BLK: variants seen among roughly 807,000 people sequenced by gnomAD.
BLK encodes the protein BLK proto-oncogene, Src family tyrosine kinase.
In BLK, 64 loss-of-function variants were observed where a neutral mutation model predicts 61.8. That is an observed-to-expected ratio of 1.03 (90% CI 0.85 to 1.27). The LOEUF (loss-of-function observed/expected upper bound fraction) is 1.27. BLK is among the 50% of genes most tolerant of loss of function. The probability of loss-of-function intolerance (pLI) is 0.00; values close to 1 mark genes in which losing one functional copy is unlikely to be tolerated. For missense variants in BLK, 853 were observed against 660.5 expected (o/e 1.29, Z -3.19); for synonymous variants, 351 against 272.0 (o/e 1.29, Z -2.86).
chr8:11,546,337 A>G (rs1800640298), intron 3 of BLK, among the ~76,000 whole-genome samples: 1 of 152,206 alleles, frequency 6.6e-6, no homozygotes, highest in African/African-American at 2.4e-5. Context: ...GAAAGACTTT[A>G]CAAACTGTAA....
intron 1 of BLK, among the ~76,000 whole-genome samples, chr8:11,533,761 G>A (rs1444058645): frequency 1.3e-5 from 2 of 152,176 alleles, no homozygotes; most frequent in Non-Finnish European, 2.9e-5. Flanking sequence ...GTACCACAGA[G>A]GTGTGAGTTA....
At chr8:11,519,378 C>T (rs1026263577) in intron 1 of BLK, among the ~76,000 whole-genome samples, 1 of 152,158 alleles carries the variant, frequency 6.6e-6, no homozygotes, top group African/African-American at 2.4e-5. Flanking sequence ...AGCAATTTTT[C>T]TTCTGAGAGC....
intron 10 of BLK, chr8:11,560,094 C>G: frequency 3.9e-6 from 1 of 256,094 alleles, no homozygotes; most frequent in South Asian, 4.3e-5. Flanking sequence ...GTATTGATTG[C>G]ATGGTGTAGC....
intron 3 of BLK, among the ~76,000 whole-genome samples, chr8:11,547,319 A>T (rs1430419909): frequency 6.6e-6 from 1 of 152,232 alleles, no homozygotes; most frequent in Non-Finnish European, 1.5e-5. Context: ...TCAGTGACAG[A>T]GCGGAGCCAC....
chr8:11,560,578 G>C (rs1801463256), intron 10 of BLK: 2 of 313,306 alleles, frequency 6.4e-6, no homozygotes, highest in Non-Finnish European at 1.3e-5. Context: ...TAAAGCCTTA[G>C]TTTCCTCAGC....
intron 12 of BLK, 88 bp downstream of exon 12, chr8:11,563,198 C>A: frequency 6.3e-7 from 1 of 1,583,604 alleles, no homozygotes; most frequent in South Asian, 1.1e-5. Context: ...CTGTGGCTGC[C>A]CTGTTCTTTT....
chr8:11,510,139 T>C (rs1296577661), intron 1 of BLK, among the ~76,000 whole-genome samples: 7 of 152,242 alleles, frequency 4.6e-5, no homozygotes, highest in African/African-American at 1.7e-4. Flanking sequence ...AATTACATCG[T>C]GGAGCTGGAG....
At chr8:11,507,958 G>A (rs1798844399) in intron 1 of BLK, among the ~76,000 whole-genome samples, 1 of 152,184 alleles carries the variant, frequency 6.6e-6, no homozygotes. Context: ...GCCTTCCAGT[G>A]CACCCTTTGG....
At chr8:11,543,759 C>T (rs574312715) in intron 2 of BLK, among the ~76,000 whole-genome samples, 1 of 152,256 alleles carries the variant, frequency 6.6e-6, no homozygotes, top group South Asian at 2.1e-4. Flanking sequence ...CAGGAGGGTG[C>T]CTGTCCTCAC....
At chr8:11,538,854 C>A (rs1005614604) in intron 1 of BLK, among the ~76,000 whole-genome samples, 2 of 152,134 alleles carry the variant, frequency 1.3e-5, no homozygotes, top group Non-Finnish European at 2.9e-5. Flanking sequence ...TGGCTCCAGG[C>A]CTTATGCTCC....
intron 1 of BLK, among the ~76,000 whole-genome samples, chr8:11,522,386 A>G (rs1799489200): frequency 6.6e-6 from 1 of 152,224 alleles, no homozygotes; most frequent in African/African-American, 2.4e-5. Flanking sequence ...TATGGGGAAA[A>G]TGAAAACTCT....
chr8:11,500,041 C>A (rs1395184265), intron 1 of BLK, among the ~76,000 whole-genome samples: 1 of 152,168 alleles, frequency 6.6e-6, no homozygotes, highest in Non-Finnish European at 1.5e-5. Context: ...TGAGGGTGCT[C>A]ACTAAGGATT....
At chr8:11,518,812 A>G (rs895763513) in intron 1 of BLK, among the ~76,000 whole-genome samples, 7 of 152,158 alleles carry the variant, frequency 4.6e-5, no homozygotes, top group Admixed American at 3.3e-4. Context: ...CTCCAAGTGC[A>G]GGGAGCCTCT....
chr8:11,513,464 C>G (rs904639172), intron 1 of BLK, among the ~76,000 whole-genome samples: 2 of 152,180 alleles, frequency 1.3e-5, no homozygotes, highest in Non-Finnish European at 2.9e-5. Flanking sequence ...CATCTCCAGG[C>G]TGCACACTTT....
chr8:11,515,119 G>T (rs977523060), intron 1 of BLK, among the ~76,000 whole-genome samples: 1 of 152,176 alleles, frequency 6.6e-6, no homozygotes, highest in Non-Finnish European at 1.5e-5. Flanking sequence ...AACTTTCAGG[G>T]TTTTGCCCTG....
chr8:11,558,910 A>T (rs1281663660), intron 10 of BLK: 1 of 454,914 alleles, frequency 2.2e-6, no homozygotes, highest in African/African-American at 2.0e-5. Context: ...GCCCAGCCTT[A>T]CCCAGTAGCG....
intron 1 of BLK, among the ~76,000 whole-genome samples, chr8:11,530,627 A>G (rs565750940): frequency 6.6e-6 from 1 of 152,336 alleles, no homozygotes; most frequent in East Asian, 1.9e-4. Flanking sequence ...AATATGCTCT[A>G]AATTTTGTTT....
At chr8:11,530,549 T>C (rs1392333408) in intron 1 of BLK, among the ~76,000 whole-genome samples, 1 of 152,258 alleles carries the variant, frequency 6.6e-6, no homozygotes, top group Non-Finnish European at 1.5e-5. Context: ...CAAGTAACTA[T>C]ATTGCCTTAT....
intron 1 of BLK, among the ~76,000 whole-genome samples, chr8:11,534,024 A>C (rs1338348155): frequency 6.6e-6 from 1 of 152,210 alleles, no homozygotes; most frequent in African/African-American, 2.4e-5. Flanking sequence ...GGTCTCCATG[A>C]AGTGGAGCTC....
Sources: gnomAD v4.1 joint callset for allele counts (sites outside exome capture counted in the v4.1 genomes callset) on GRCh38, gnomAD v4.1.1 for gene constraint, MANE v1.5 for transcripts, NCBI Gene and HGNC (gene_info 2026-07-23, HGNC 2026-07-21) for gene names.